The following ROBO2 variants were observed in gnomAD, a reference collection of about 807,000 sequenced individuals.
ROBO2 encodes the protein roundabout homolog 2.
Under a neutral mutation model 160.8 loss-of-function variants are expected in ROBO2, and 53 were observed. The observed-to-expected ratio is 0.33, with a 90% CI of 0.26 to 0.41. The LOEUF (loss-of-function observed/expected upper bound fraction) is 0.41. Ranked by LOEUF, ROBO2 falls within the 10% of genes least tolerant of loss-of-function variation. The probability of loss-of-function intolerance (pLI) is 1.00; values close to 1 mark genes in which losing one functional copy is unlikely to be tolerated. For missense variants in ROBO2, 1,577 were observed against 1,722.4 expected (o/e 0.92, Z 1.49); for synonymous variants, 664 against 611.7 (o/e 1.09, Z -1.26).
intron 5 of ROBO2, among the ~76,000 whole-genome samples, chr3:77,513,693 A>G (rs2089673479): frequency 6.6e-6 from 1 of 151,744 alleles, no homozygotes; most frequent in Non-Finnish European, 1.5e-5. Context: ...TTTTGACACA[A>G]TTCAGTTTTC....
At chr3:76,227,470 G>A (rs1431836586) in intron 2 of ROBO2, among the ~76,000 whole-genome samples, 4 of 152,062 alleles carry the variant, frequency 2.6e-5, no homozygotes, top group African/African-American at 9.7e-5. Flanking sequence ...TAAATCTTAC[G>A]ATAGTTAATA....
intron 2 of ROBO2, among the ~76,000 whole-genome samples, chr3:77,293,692 G>T (rs1416900328): frequency 7.1e-6 from 1 of 139,884 alleles, no homozygotes; most frequent in Non-Finnish European, 1.5e-5. Flanking sequence ...ATGGGAAGTT[G>T]AGGCTAGAAC....
intron 2 of ROBO2, among the ~76,000 whole-genome samples, chr3:76,024,357 A>G (rs1266381172): frequency 2.4e-5 from 3 of 123,642 alleles, no homozygotes; most frequent in African/African-American, 5.6e-5. Context: ...ACTCATGTTT[A>G]TGTTTTAGAA....
At chr3:76,148,244 A>G (rs980836612) in intron 2 of ROBO2, among the ~76,000 whole-genome samples, 1 of 151,936 alleles carries the variant, frequency 6.6e-6, no homozygotes, top group African/African-American at 2.4e-5. Flanking sequence ...AAATAAACCA[A>G]CTCTCAACTA....
At chr3:77,239,502 A>T (rs985532904) in intron 2 of ROBO2, among the ~76,000 whole-genome samples, 2 of 152,182 alleles carry the variant, frequency 1.3e-5, no homozygotes, top group Non-Finnish European at 2.9e-5. Flanking sequence ...CACTGTGGAA[A>T]GGGACCCCAG....
rs188731223 is a variant in ROBO2, at chr3:76,536,069, C to T, written c.110-561945C>T. 1.7e-3 allele frequency among the ~76,000 whole-genome samples: 253 copies of T among 152,216 alleles called. 1 individual carries two copies. Among genetic ancestry groups the T allele is most frequent in the African/African-American group, 4.7e-3 (195 of 41,530 alleles). On this transcript the variant is annotated intron_variant, in intron 2 of 26. Transcript: ENST00000487694. ...ATGGCTTAGGAGGAATCATGGGCTGCGGGCATTCCTTGGCCCAGTGGCCAG... is the reference window on the plus strand; with the variant it reads ...ATGGCTTAGGAGGAATCATGGGCTGTGGGCATTCCTTGGCCCAGTGGCCAG...
intron 2 of ROBO2, among the ~76,000 whole-genome samples, chr3:77,435,076 A>G (rs75992156): frequency 0.027 from 4,120 of 152,162 alleles, 192 homozygotes; most frequent in African/African-American, 0.093. Flanking sequence ...ACCCTATCAC[A>G]CAAACTAAGA....
chr3:76,308,812 AGAGCTGT>A (rs1466876471), intron 2 of ROBO2, among the ~76,000 whole-genome samples: 4 of 152,304 alleles, frequency 2.6e-5, no homozygotes, highest in Non-Finnish European at 2.9e-5. Context: ...CCCATCAGAG[AGAGCTGT>A]GACCTGGTGT....
At chr3:77,438,376 A>G (rs1223428749) in intron 2 of ROBO2, among the ~76,000 whole-genome samples, 1 of 151,882 alleles carries the variant, frequency 6.6e-6, no homozygotes, top group Non-Finnish European at 1.5e-5. Flanking sequence ...CAAGCCTGAA[A>G]CTGAGTTTTA....
intron 2 of ROBO2, among the ~76,000 whole-genome samples, chr3:76,520,692 T>C (rs2081563762): frequency 6.6e-6 from 1 of 152,234 alleles, no homozygotes; most frequent in Non-Finnish European, 1.5e-5. Flanking sequence ...CATCAATCTC[T>C]GCTTTCTAAA....
In ROBO2 at chr3:75,950,533, A is replaced by G. The variant is rs541660682; in HGVS notation, c.109+12931A>G. ...AATGTTAAGAGACCCACTCCATTAT[A>G]TAGAAGAGGATGTGTGTAGATCTCT... On this transcript the variant is annotated intron_variant, in intron 2 of 26. Transcript: ENST00000487694. Among the ~76,000 whole-genome samples, 15 of 152,236 alleles carry G rather than the reference A, an allele frequency of 9.9e-5. No homozygotes were observed. In the South Asian group the frequency reaches 1.9e-3, roughly 19 times the overall value.
chr3:77,004,442 T>G (rs2061482652), intron 2 of ROBO2, among the ~76,000 whole-genome samples: 1 of 152,206 alleles, frequency 6.6e-6, no homozygotes, highest in South Asian at 2.1e-4. Context: ...AGACTGCAAC[T>G]GAAGCCATGC....
chr3:76,858,710 T>G (rs1446196111), intron 2 of ROBO2, among the ~76,000 whole-genome samples: 1 of 152,212 alleles, frequency 6.6e-6, no homozygotes, highest in East Asian at 1.9e-4. Context: ...ATTGTTGTGG[T>G]GTTTTGAATG....
At chr3:76,530,696 A>G (rs747749642) in intron 2 of ROBO2, among the ~76,000 whole-genome samples, 1 of 152,104 alleles carries the variant, frequency 6.6e-6, no homozygotes, top group Non-Finnish European at 1.5e-5. Context: ...TGCTCCTTCA[A>G]CTCTGCCTCC....
chr3:76,024,920 T>G (rs2066689492), intron 2 of ROBO2, among the ~76,000 whole-genome samples: 1 of 150,492 alleles, frequency 6.6e-6, no homozygotes, highest in Admixed American at 6.7e-5. Flanking sequence ...TAAAAGTATA[T>G]GTATGTGTGT....
intron 1 of ROBO2, among the ~76,000 whole-genome samples, chr3:77,047,451 G>A (rs952338824): frequency 4.0e-5 from 6 of 151,812 alleles, no homozygotes; most frequent in Non-Finnish European, 7.4e-5. Context: ...TTGGGAGGGT[G>A]AGGTGTGTGG....
chr3:76,747,058 G>A (rs1366629723), intron 2 of ROBO2, among the ~76,000 whole-genome samples: 1 of 152,014 alleles, frequency 6.6e-6, no homozygotes, highest in African/African-American at 2.4e-5. Context: ...ATCATTGATG[G>A]GCATTTGGGT....
chr3:76,187,198 A>G (rs934706175), intron 2 of ROBO2, among the ~76,000 whole-genome samples: 14 of 152,120 alleles, frequency 9.2e-5, no homozygotes, highest in African/African-American at 3.1e-4. Context: ...GCCTGGAATC[A>G]TCACCTGAGT....
chr3:77,239,138 C>A (rs2088558258), intron 2 of ROBO2, among the ~76,000 whole-genome samples: 1 of 152,128 alleles, frequency 6.6e-6, no homozygotes. Flanking sequence ...AGCCACGGAC[C>A]CTCACGGTGA....
Sources: gnomAD v4.1 joint callset for allele counts (sites outside exome capture counted in the v4.1 genomes callset) on GRCh38, gnomAD v4.1.1 for gene constraint, MANE v1.5 for transcripts, NCBI Gene and HGNC (gene_info 2026-07-23, HGNC 2026-07-21) for gene names.